TOX: variants seen among roughly 807,000 people sequenced by gnomAD.
TOX encodes thymocyte selection associated high mobility group box.
In TOX, 11 loss-of-function variants were observed where a neutral mutation model predicts 53.7. The ratio of observed to expected loss-of-function variants is 0.20; its 90% CI spans 0.13 to 0.34. The LOEUF (loss-of-function observed/expected upper bound fraction) is 0.34, where lower values mean the gene tolerates loss of function less well. Among genes scored for constraint, TOX ranks in the 10% least tolerant of loss-of-function variants. The pLI is 1.00. For missense variants in TOX, 570 were observed against 664.6 expected (o/e 0.86, Z 1.56); for synonymous variants, 225 against 245.3 (o/e 0.92, Z 0.77).
Position 58,969,410 on chromosome 8 carries a change from A to G in TOX, c.103-9402T>C, listed in dbSNP as rs1160812280. ...TATCTTTTGCATTTTAAGGAATCTG[A>G]GAAGTCTTTCAATCCATCATCATAT... On this transcript the variant is annotated intron_variant, in intron 1 of 8. Transcript: ENST00000361421. Among the ~76,000 whole-genome samples the G allele has an allele frequency of 2.6e-5, 4 of 152,220 alleles. No homozygotes were observed. In the East Asian group the frequency reaches 7.7e-4, roughly 29 times the overall value.
chr8:58,818,643 C>T (rs1037901786), intron 6 of TOX, among the ~76,000 whole-genome samples: 2 of 152,142 alleles, frequency 1.3e-5, no homozygotes, highest in Non-Finnish European at 2.9e-5. Context: ...CTCCAGGCAG[C>T]CACCATTGCC....
rs1052040032 is a variant in TOX, at chr8:58,931,260, T to C, written c.411+8042A>G. Among the ~76,000 whole-genome samples the C allele has an allele frequency of 2.0e-5, 3 of 152,008 alleles. No homozygotes were observed. In the East Asian group the frequency reaches 5.8e-4, roughly 29 times the overall value. ...GAGAATAATTAGAAAAAATCAGAAA[T>C]TAATCTGCAATCTCAGGTTCTAGAG... On this transcript the variant is annotated intron_variant, in intron 3 of 8. Coordinates refer to ENST00000361421, the MANE Select transcript of TOX (RefSeq NM_014729.3).
chr8:59,005,228 C>T (rs749264351), intron 1 of TOX, among the ~76,000 whole-genome samples: 3 of 151,966 alleles, frequency 2.0e-5, no homozygotes, highest in Admixed American at 6.6e-5. Flanking sequence ...TTAGTAGAGA[C>T]GGGGTTTCAC....
intron 1 of TOX, among the ~76,000 whole-genome samples, chr8:59,030,140 C>T (rs887971121): frequency 1.3e-5 from 2 of 152,114 alleles, no homozygotes; most frequent in Admixed American, 6.5e-5. Flanking sequence ...GTTTAAAATA[C>T]TAAGGAGCAC....
chr8:58,846,202 C>T (rs921790592), intron 4 of TOX, among the ~76,000 whole-genome samples: 1 of 151,710 alleles, frequency 6.6e-6, no homozygotes, highest in South Asian at 2.1e-4. Context: ...GTTTATTAGG[C>T]TCAGCCTTAA....
intron 1 of TOX, among the ~76,000 whole-genome samples, chr8:59,016,018 T>C (rs1243428713): frequency 1.3e-5 from 2 of 152,228 alleles, no homozygotes; most frequent in Non-Finnish European, 1.5e-5. Flanking sequence ...ATTTTCAGAC[T>C]GTTTAATATT....
chr8:58,822,215 C>G (rs1810293171), intron 6 of TOX, among the ~76,000 whole-genome samples: 1 of 152,180 alleles, frequency 6.6e-6, no homozygotes, highest in African/African-American at 2.4e-5. Context: ...GAAAATTAAG[C>G]ATGAATAATC....
intron 3 of TOX, among the ~76,000 whole-genome samples, chr8:58,929,498 GA>G (rs912530543): frequency 2.0e-5 from 3 of 150,414 alleles, no homozygotes; most frequent in Non-Finnish European, 4.4e-5. Flanking sequence ...AAACTAAAAT[GA>G]AAAAAAAATC....
intron 1 of TOX, among the ~76,000 whole-genome samples, chr8:59,054,779 GAAGAAA>G (rs1803858855): frequency 7.2e-6 from 1 of 138,788 alleles, no homozygotes; most frequent in East Asian, 2.0e-4. Context: ...AGTGATAAAG[GAAGAAA>G]AAGAAAGAGA....
rs1184247070 is a variant in TOX at position 58,806,056 on chromosome 8, A to C, written c.*1691T>G. The C allele has an allele frequency of 6.6e-6, 1 of 152,572 alleles. No individual in the cohort carries two copies. The highest frequency in any genetic ancestry group is 1.5e-5 in the Non-Finnish European group (1 of 68,048). The allele number at this position is 152,572 out of a possible 1,614,324, so 9.5% of individuals were successfully genotyped here. ...ACTTTCTTGATATGATCCCCTAAAA[A>C]GGAGTAAATCTGCTAGCTTTTTCTT... On this transcript the variant is annotated 3_prime_UTR_variant, in exon 9 of 9. Coordinates refer to ENST00000361421, the MANE Select transcript of TOX (RefSeq NM_014729.3).
rs1554539851 is a variant in TOX, at chr8:59,021,499, T to TATATACAC, written c.103-61492_103-61491insGTGTATAT. Among the ~76,000 whole-genome samples the TATATACAC allele has an allele frequency of 3.6e-4, 40 of 109,596 alleles. 3 individuals are homozygous for TATATACAC. Among genetic ancestry groups the TATATACAC allele is most frequent in the Non-Finnish European group, 4.6e-4 (23 of 50,166 alleles). 71.9% of individuals were successfully genotyped at this position (109,596 alleles called of 152,430 possible). ...AAAAAAAAATATATATATATATATA[T>TATATACAC]GCACATATATACAATGTCAGATATA... On this transcript the variant is annotated intron_variant, in intron 1 of 8. Coordinates refer to ENST00000361421, the MANE Select transcript of TOX (RefSeq NM_014729.3).
At chr8:58,811,226 G>GA (rs1563359088) in intron 7 of TOX, among the ~76,000 whole-genome samples, 2 of 151,868 alleles carry the variant, frequency 1.3e-5, no homozygotes, top group African/African-American at 2.4e-5. Flanking sequence ...CACACTTTTT[G>GA]AAAAAATGTT....
rs552588611 is a variant in TOX at position 59,014,504 on chromosome 8, G to T, written c.103-54496C>A. 9.8e-5 allele frequency among the ~76,000 whole-genome samples: 15 copies of T among 152,326 alleles called. No individual in the cohort carries two copies. In the South Asian group the frequency reaches 3.1e-3, roughly 32 times the overall value. ...CTTGATATGCAGAATCTACAAAGTAGCTAGAACTGGAAAGCTTCCTATCGG... is the reference window on the plus strand; with the variant it reads ...CTTGATATGCAGAATCTACAAAGTATCTAGAACTGGAAAGCTTCCTATCGG... On this transcript the variant is annotated intron_variant, in intron 1 of 8. Coordinates refer to ENST00000361421, the MANE Select transcript of TOX (RefSeq NM_014729.3).
At chr8:58,980,088 C>T (rs1162861751) in intron 1 of TOX, among the ~76,000 whole-genome samples, 2 of 152,190 alleles carry the variant, frequency 1.3e-5, no homozygotes, top group African/African-American at 4.8e-5. Context: ...CCATTTAACA[C>T]AGGGGAATTT....
In TOX at chr8:58,824,477, C is replaced by T. The variant is rs78614653; in HGVS notation, c.1005+2345G>A. On this transcript the variant is annotated intron_variant, in intron 6 of 8. Transcript: ENST00000361421. Reference sequence around the variant, plus strand: ...ACTCTCTCCATTCACTCAGCTCTGGCCACACAGACCTTTTCAATTCAAGGA... The same window carrying T: ...ACTCTCTCCATTCACTCAGCTCTGGTCACACAGACCTTTTCAATTCAAGGA... 8.9e-3 allele frequency among the ~76,000 whole-genome samples: 1,357 copies of T among 152,260 alleles called. 11 individuals are homozygous for T. Among genetic ancestry groups the T allele is most frequent in the Non-Finnish European group, 0.013 (915 of 68,012 alleles).
At chr8:59,113,629 A>C (rs1328592078) in intron 1 of TOX, among the ~76,000 whole-genome samples, 1 of 152,178 alleles carries the variant, frequency 6.6e-6, no homozygotes, top group Non-Finnish European at 1.5e-5. Flanking sequence ...CCAGTGGAGA[A>C]GAGAGTTCAG....
chr8:59,099,434 G>T (rs1804767152), intron 1 of TOX, among the ~76,000 whole-genome samples: 1 of 152,102 alleles, frequency 6.6e-6, no homozygotes, highest in Admixed American at 6.6e-5. Flanking sequence ...CTGAAAGACA[G>T]ACACTAAATG....
intron 3 of TOX, among the ~76,000 whole-genome samples, chr8:58,905,064 C>T (rs1335592981): frequency 7.9e-5 from 12 of 152,202 alleles, no homozygotes; most frequent in Non-Finnish European, 1.5e-5. Flanking sequence ...TCCTGAGTAG[C>T]TGGGACTACA....
intron 2 of TOX, among the ~76,000 whole-genome samples, chr8:58,957,516 TA>T (rs1812731417): frequency 6.6e-6 from 1 of 152,236 alleles, no homozygotes; most frequent in African/African-American, 2.4e-5. Context: ...TGGGACTGTC[TA>T]AAAGAATATC....
Sources: allele counts gnomAD v4.1 joint callset (sites outside exome capture counted in the v4.1 genomes callset), GRCh38; gene constraint gnomAD v4.1.1; transcripts MANE v1.5; gene names NCBI Gene and HGNC (gene_info 2026-07-23, HGNC 2026-07-21).